Variants in FMNL1 observed in about 807,000 individuals in gnomAD.
FMNL1 encodes formin like 1, also known as formin-like protein 1.
A neutral mutation model predicts 121.3 loss-of-function variants in FMNL1; 43 were observed. The ratio of observed to expected loss-of-function variants is 0.35; its 90% CI spans 0.28 to 0.46. The LOEUF (loss-of-function observed/expected upper bound fraction) is 0.46, where lower values mean the gene tolerates loss of function less well. FMNL1 is among the 20% of genes least tolerant of loss of function. The pLI is 1.00. For missense variants in FMNL1, 1,191 were observed against 1,482.4 expected, an observed-to-expected ratio of 0.80 and a Z score of 3.23; for synonymous variants, 613 against 613.5, an observed-to-expected ratio of 1.00 and a Z score of 0.01.
chr17:45,240,685 CAG>C, intron 12 of FMNL1, 60 bp downstream of exon 12: 1 of 1,560,074 alleles, frequency 6.4e-7, no homozygotes, highest in Non-Finnish European at 8.7e-7. Context: ...ACACGGGCCA[CAG>C]GGCCACGCAA....
At chr17:45,238,455 A>C in intron 9 of FMNL1, 109 bp from the exon 10 acceptor site, 1 of 1,118,308 alleles carries the variant, frequency 8.9e-7, no homozygotes, top group South Asian at 1.4e-5. Context: ...GACGTGGCTC[A>C]ACTTAGAATT....
chr17:45,230,783 T>G, intron 2 of FMNL1, 96 bp downstream of exon 2: 1 of 1,323,898 alleles, frequency 7.6e-7, no homozygotes, highest in Non-Finnish European at 1.0e-6. Context: ...ACCGCCATAC[T>G]GCCCATGGAG....
At position 45,236,130 on chromosome 17, in the gene FMNL1, G is replaced by A. The variant is rs748871175; in HGVS notation, c.615-6G>A. The A allele has an allele frequency of 2.3e-5, 37 of 1,609,210 alleles. No homozygotes were observed. The highest frequency in any genetic ancestry group is 1.7e-4 in the Middle Eastern group (1 of 6,058). ...ACTCCTGCTGCCTCCTCCACACCCC[G>A]CCCAGGCTGACCCCAGCCCACAGCA... On this transcript the variant is annotated splice_region_variant and splice_polypyrimidine_tract_variant and intron_variant, in intron 6 of 26. Coordinates refer to ENST00000331495, the MANE Select transcript of FMNL1 (RefSeq NM_005892.4).
rs751074259 is a variant in FMNL1, at chr17:45,245,268, T to C, written c.2744T>C (p.Val915Ala). 3.7e-6 allele frequency: 6 copies of C among 1,614,150 alleles called. No homozygotes were observed. The highest frequency in any genetic ancestry group is 5.1e-6 in the Non-Finnish European group (6 of 1,180,008). Residue 915 changes from valine (V) to alanine (A), a missense_variant, in exon 22 of 27, where the codon GTC (valine) becomes GCC (alanine). Coordinates refer to ENST00000331495, the MANE Select transcript of FMNL1 (RefSeq NM_005892.4). ...CCTGGCCCAGTGTCCCTGGACAGTG[T>C]CCTGGCGGACGTGCGCTCCCTGCAG... The part of the protein sequence containing the change: ...DKAGSVSLDS[V>A]LADVRSLQRG...
chr17:45,241,045 G>C lies in FMNL1; in HGVS notation c.1231-84G>C. The C allele has an allele frequency of 6.5e-7, 1 of 1,545,388 alleles. No individual in the cohort carries two copies. Among genetic ancestry groups the C allele is most frequent in the Non-Finnish European group, 8.9e-7 (1 of 1,128,068 alleles). ...TCTGGGAGCCTCCCCCAGTCTTCCA[G>C]GCAGGCATGCCTGATGCCGCCCCCT... On this transcript the variant is annotated intron_variant, in intron 12 of 26. Transcript: ENST00000331495. The surrounding 1 kb of genome is among the most constrained non-coding windows in gnomAD (Gnocchi z 7.0).
rs1254498597 is a variant in FMNL1 at position 45,245,988 on chromosome 17, C to G, written c.3090+15C>G. 2 of 1,542,096 alleles carry G rather than the reference C, an allele frequency of 1.3e-6. No individual in the cohort carries two copies. The highest frequency in any genetic ancestry group is 1.7e-6 in the Non-Finnish European group (2 of 1,150,774). On this transcript the variant is annotated intron_variant, in intron 24 of 26. Transcript: ENST00000331495. ...CAGCACCCAAGGTAGGCAACTGCTC[C>G]TGGGCTTGGTACTGGGCTGCAGGGA...
rs939289488 is a variant in FMNL1, at chr17:45,239,663, C to T, written c.1080+598C>T. 3.3e-5 allele frequency among the ~76,000 whole-genome samples: 5 copies of T among 151,810 alleles called. No individual in the cohort carries two copies. The South Asian group carries it at 6.2e-4, about 19-fold the overall frequency. On this transcript the variant is annotated intron_variant, in intron 11 of 26. Coordinates refer to ENST00000331495, the MANE Select transcript of FMNL1 (RefSeq NM_005892.4). ...TAACAAAAGGTAGAGAGCAGGCTGG[C>T]GGGGGGGTCTATCTGTGCAATGGAG... is the stretch of plus-strand genomic sequence containing the variant.
At chr17:45,232,517 C>T in intron 3 of FMNL1, 37 bp downstream of exon 3, 7 of 1,597,938 alleles carry the variant, frequency 4.4e-6, no homozygotes, top group Non-Finnish European at 6.0e-6. Context: ...CCCTTTCCCC[C>T]ACATTTTCCA....
Position 45,237,885 on chromosome 17 carries a change from G to C in FMNL1, c.894+246G>C. 1 of 446,946 alleles carries C rather than the reference G, an allele frequency of 2.2e-6. No homozygotes were observed. 27.7% of individuals were successfully genotyped at this position (446,946 alleles called of 1,614,324 possible). A position where few individuals can be genotyped will look rare whatever the true frequency, so the allele number is the denominator to read the frequency against. ...GGGGTAGGGACAACTACAGGGACCT[G>C]CTGAACCTCTGACTCAGCCTTGCCA... On this transcript the variant is annotated intron_variant, in intron 9 of 26. Transcript: ENST00000331495. This position sits in a 1 kb window ranked among gnomAD's most constrained non-coding sequence, Gnocchi z 4.4.
intron 11 of FMNL1, chr17:45,239,275 G>C (rs60823899): frequency 0.039 from 22,623 of 576,552 alleles, 1,616 homozygotes; most frequent in East Asian, 0.26. Context: ...AGATAATCTT[G>C]ACTCTAAATG....
Position 45,243,334 on chromosome 17 carries a change from T to C in FMNL1, c.2213+14T>C. On this transcript the variant is annotated intron_variant, in intron 17 of 26. Coordinates refer to ENST00000331495, the MANE Select transcript of FMNL1 (RefSeq NM_005892.4). ...AGCCATTGAGGCGTGAGTGTCCCTG[T>C]CCTGGGTTTGTGGGCAGTCCGGCCC... 6.2e-7 allele frequency: 1 copy of C among 1,612,204 alleles called. No individual in the cohort carries two copies. The highest frequency in any genetic ancestry group is 1.3e-5 in the African/African-American group (1 of 75,028).
intron 1 of FMNL1, among the ~76,000 whole-genome samples, chr17:45,226,467 A>G (rs2043332599): frequency 6.6e-6 from 1 of 152,068 alleles, no homozygotes. Flanking sequence ...GGGGGCCAGG[A>G]CCCACATTTC....
chr17:45,233,874 T>G lies in FMNL1; in HGVS notation c.485+143T>G. 1 of 1,347,530 alleles carries G rather than the reference T, an allele frequency of 7.4e-7. No homozygotes were observed. The highest frequency in any genetic ancestry group is 1.0e-6 in the Non-Finnish European group (1 of 993,996). The allele number at this position is 1,347,530 out of a possible 1,614,324, so 83.5% of individuals were successfully genotyped here. ...CCCTCCACTTGGCCTTGAGCGATGC[T>G]CCTTCCAGAAGGCCTGCCCCCGACA... is the stretch of plus-strand genomic sequence containing the variant. On this transcript the variant is annotated intron_variant, in intron 5 of 26. Coordinates refer to ENST00000331495, the MANE Select transcript of FMNL1 (RefSeq NM_005892.4). The surrounding 1 kb of genome is among the most constrained non-coding windows in gnomAD (Gnocchi z 4.1).
Position 45,232,485 on chromosome 17 carries a change from A to G in FMNL1, c.327+5A>G. On this transcript the variant is annotated splice_donor_5th_base_variant and intron_variant, in intron 3 of 26. Coordinates refer to ENST00000331495, the MANE Select transcript of FMNL1 (RefSeq NM_005892.4). ...GATTGGATGTCCAACCTGGGGGTAC[A>G]TGTCTCCCCTCTTTACTCTGTCCCT... 1.9e-6 allele frequency: 3 copies of G among 1,613,258 alleles called. No individual in the cohort carries two copies. Among genetic ancestry groups the G allele is most frequent in the Non-Finnish European group, 2.5e-6 (3 of 1,179,252 alleles).
intron 1 of FMNL1, among the ~76,000 whole-genome samples, chr17:45,229,584 G>T (rs949959258): frequency 2.0e-5 from 3 of 152,234 alleles, no homozygotes; most frequent in African/African-American, 7.2e-5. Flanking sequence ...CAGACATATA[G>T]AAGGCTCTCA....
Position 45,245,736 on chromosome 17 carries a change from A to G in FMNL1, c.2994+3A>G. On this transcript the variant is annotated splice_donor_region_variant and intron_variant, in intron 23 of 26. Transcript: ENST00000331495. ...GCCGCTTCATTAAGGCCTACAAGGT[A>G]TTCGGGTCTGGGGCAGGCTGGGAGC... 1 of 1,588,464 alleles carries G rather than the reference A, an allele frequency of 6.3e-7. No individual in the cohort carries two copies. The highest frequency in any genetic ancestry group is 8.6e-7 in the Non-Finnish European group (1 of 1,165,290).
In FMNL1 at chr17:45,246,529, C is replaced by A. The variant is rs1331562332; in HGVS notation, c.3236C>A (p.Ala1079Asp). Residue 1079 changes from alanine to aspartate, a missense_variant, in exon 26 of 27, where the codon GCC becomes GAC. Ala to Asp is a moderately radical substitution (Grantham distance 126, BLOSUM62 -2). Transcript: ENST00000331495. ...GTGATCAAGACGGTGCCCTTCACGG[C>A]CCGCACCGGCAAGCGGACATCCCGG... ...ITVIKTVPFT[A>D]RTGKRTSRLL... The A allele has an allele frequency of 1.2e-6, 2 of 1,614,108 alleles. No homozygotes were observed. The highest frequency in any genetic ancestry group is 1.7e-6 in the Non-Finnish European group (2 of 1,179,946).
At chr17:45,230,522 TG>T in intron 1 of FMNL1, 81 bp from the exon 2 acceptor site, 1 of 1,327,428 alleles carries the variant, frequency 7.5e-7, no homozygotes, top group Non-Finnish European at 1.1e-6. Flanking sequence ...GGGAGCCAAG[TG>T]GGTTTCCCCC....
chr17:45,236,318 G>A (rs561768313), intron 7 of FMNL1, 74 bp downstream of exon 7: 3 of 1,277,364 alleles, frequency 2.3e-6, no homozygotes, highest in East Asian at 4.9e-5. Flanking sequence ...AAGCTGCCGA[G>A]GCTCTGGGAT....
Sources: allele counts gnomAD v4.1 joint callset (sites outside exome capture counted in the v4.1 genomes callset), GRCh38; gene constraint gnomAD v4.1.1; non-coding constraint Gnocchi (gnomAD v3.1); transcripts MANE v1.5; gene names NCBI Gene and HGNC (gene_info 2026-07-23, HGNC 2026-07-21).